The following TNFSF4 variants were observed in gnomAD, a reference collection of about 807,000 sequenced individuals.
TNFSF4 encodes TNF superfamily member 4.
Under a neutral mutation model 7.3 loss-of-function variants are expected in TNFSF4, and 4 were observed. That is an observed-to-expected ratio of 0.55 (90% confidence interval 0.27 to 1.25). TNFSF4 has a LOEUF of 1.25. Ranked by LOEUF, TNFSF4 falls within the 50% of genes most tolerant of loss-of-function variation. The probability of loss-of-function intolerance (pLI) is 0.12; values close to 1 mark genes in which losing one functional copy is unlikely to be tolerated. For synonymous variants in TNFSF4, 76 were observed against 83.7 expected, an observed-to-expected ratio of 0.91 and a Z score of 0.50; for missense variants, 181 against 208.8, an observed-to-expected ratio of 0.87 and a Z score of 0.82.
chr1:173,308,281 CTCTCTGTG>C, the TNFSF4 span, among the ~76,000 whole-genome samples: 12 of 138,670 alleles, frequency 8.7e-5, no homozygotes, highest in Non-Finnish European at 1.3e-4. Flanking sequence ...CTCTCTCTCT[CTCTCTGTG>C]TGTGTGTGTG....
chr1:173,301,352 A>ATTT, the TNFSF4 span, among the ~76,000 whole-genome samples: 25 of 151,424 alleles, frequency 1.7e-4, no homozygotes, highest in South Asian at 2.1e-4. Context: ...AAAAAGTTCC[A>ATTT]TTTTTTTTAC....
chr1:173,270,789 G>A, the TNFSF4 span, among the ~76,000 whole-genome samples: 1 of 152,036 alleles, frequency 6.6e-6, no homozygotes, highest in Non-Finnish European at 1.5e-5. Context: ...AACCAGATGT[G>A]AATGCATATT....
At chr1:173,230,742 G>C in the TNFSF4 span, among the ~76,000 whole-genome samples, 1 of 151,960 alleles carries the variant, frequency 6.6e-6, no homozygotes, top group Non-Finnish European at 1.5e-5. Flanking sequence ...AATGATAAAG[G>C]GGACATCACC....
the TNFSF4 span, among the ~76,000 whole-genome samples, chr1:173,213,053 A>G: frequency 2.6e-5 from 4 of 152,142 alleles, no homozygotes; most frequent in Non-Finnish European, 5.9e-5. Context: ...TCTAAACAAT[A>G]CTGAAAACAG....
At chr1:173,231,320 T>C in the TNFSF4 span, among the ~76,000 whole-genome samples, 1 of 152,170 alleles carries the variant, frequency 6.6e-6, no homozygotes, top group Non-Finnish European at 1.5e-5. Flanking sequence ...TATTCCAGCA[T>C]ATAAACAGAA....
chr1:173,240,019 C>T, the TNFSF4 span, among the ~76,000 whole-genome samples: 20 of 151,868 alleles, frequency 1.3e-4, no homozygotes, highest in African/African-American at 2.2e-4. Context: ...TGACAGAGCA[C>T]GACTCTGTCT....
the TNFSF4 span, among the ~76,000 whole-genome samples, chr1:173,325,813 C>T: frequency 6.6e-6 from 1 of 152,016 alleles, no homozygotes; most frequent in Non-Finnish European, 1.5e-5. Context: ...AAGACTAAAC[C>T]AGGAAGAAGT....
chr1:173,190,240 G>A (rs1649418427), intron 1 of TNFSF4, among the ~76,000 whole-genome samples: 1 of 152,032 alleles, frequency 6.6e-6, no homozygotes, highest in African/African-American at 2.4e-5. Flanking sequence ...CAAGAACAAC[G>A]GCTCTTCCCA....
At chr1:173,242,422 A>C in the TNFSF4 span, among the ~76,000 whole-genome samples, 1 of 152,328 alleles carries the variant, frequency 6.6e-6, no homozygotes, top group African/African-American at 2.4e-5. Context: ...TAGGAAATAG[A>C]GAACAGAATT....
chr1:173,410,137 G>A, the TNFSF4 span, among the ~76,000 whole-genome samples: 6 of 152,104 alleles, frequency 3.9e-5, no homozygotes, highest in Non-Finnish European at 8.8e-5. Context: ...GATCACCTGA[G>A]CCTTGGAGGT....
chr1:173,295,573 C>A, the TNFSF4 span, among the ~76,000 whole-genome samples: 1 of 151,946 alleles, frequency 6.6e-6, no homozygotes, highest in Non-Finnish European at 1.5e-5. Context: ...ATTGTGTAAG[C>A]AGAACCAATT....
upstream of TNFSF4, among the ~76,000 whole-genome samples, chr1:173,209,926 C>T (rs1260016503): frequency 6.6e-6 from 1 of 152,032 alleles, no homozygotes; most frequent in African/African-American, 2.4e-5. Context: ...AGACTATTAA[C>T]CTCCTAAATG....
At chr1:173,351,824 G>A in the TNFSF4 span, 1 of 605,788 alleles carries the variant, frequency 1.7e-6, no homozygotes. Flanking sequence ...ACATTGAATG[G>A]GTGCAGCAGG....
chr1:173,223,455 C>CA, the TNFSF4 span, among the ~76,000 whole-genome samples: 2 of 151,356 alleles, frequency 1.3e-5, no homozygotes, highest in African/African-American at 4.9e-5. Context: ...CCCGCCCCCC[C>CA]AAAAAAAATA....
chr1:173,268,051 G>C, the TNFSF4 span, among the ~76,000 whole-genome samples: 1 of 152,062 alleles, frequency 6.6e-6, no homozygotes, highest in Admixed American at 6.6e-5. Flanking sequence ...TCTGAATCCT[G>C]CACCTGACAA....
the TNFSF4 span, among the ~76,000 whole-genome samples, chr1:173,355,668 C>T: frequency 6.6e-6 from 1 of 152,194 alleles, no homozygotes; most frequent in Admixed American, 6.5e-5. Context: ...AGAACGCCCC[C>T]TCTTTGACCT....
the TNFSF4 span, among the ~76,000 whole-genome samples, chr1:173,338,107 A>C: frequency 6.6e-6 from 1 of 152,176 alleles, no homozygotes. Flanking sequence ...ACCACTGCCG[A>C]CTTCACAATC....
chr1:173,446,531 C>T, the TNFSF4 span, among the ~76,000 whole-genome samples: 3 of 152,080 alleles, frequency 2.0e-5, no homozygotes, highest in Non-Finnish European at 4.4e-5. Flanking sequence ...AAGTATTGTT[C>T]CTGGGTGTGT....
the TNFSF4 span, among the ~76,000 whole-genome samples, chr1:173,274,124 TACACACACAC>T: frequency 6.9e-6 from 1 of 145,426 alleles, no homozygotes; most frequent in Non-Finnish European, 1.5e-5. Context: ...TCCATGTTCA[TACACACACAC>T]ACACACACAC....
Sources: allele counts gnomAD v4.1 joint callset (sites outside exome capture counted in the v4.1 genomes callset), GRCh38; gene constraint gnomAD v4.1.1; transcripts MANE v1.5; gene names NCBI Gene and HGNC (gene_info 2026-07-23, HGNC 2026-07-21).